Variants in MARCHF1 observed in about 807,000 individuals in gnomAD.
MARCHF1 encodes E3 ubiquitin-protein ligase MARCHF1.
In MARCHF1, 40 loss-of-function variants were observed where a neutral mutation model predicts 54.2. The observed-to-expected ratio is 0.74, with a 90% CI of 0.57 to 0.96. The LOEUF (loss-of-function observed/expected upper bound fraction) is 0.96. Among genes scored for constraint, MARCHF1 ranks in the 40% least tolerant of loss-of-function variants. The pLI, the probability that MARCHF1 is intolerant of heterozygous loss-of-function variation, is 0.00. For synonymous variants in MARCHF1, 236 were observed against 236.3 expected (o/e 1.00, Z 0.01); for missense variants, 586 against 656.5 (o/e 0.89, Z 1.17).
chr4:163,634,073 C>T (rs1419008616), intron 5 of MARCHF1, among the ~76,000 whole-genome samples: 1 of 152,098 alleles, frequency 6.6e-6, no homozygotes, highest in Non-Finnish European at 1.5e-5. Flanking sequence ...ACCAGGCCTG[C>T]CCTAAAAGAG....
At chr4:164,231,609 G>T (rs1175877068) in intron 1 of MARCHF1, among the ~76,000 whole-genome samples, 1 of 152,098 alleles carries the variant, frequency 6.6e-6, no homozygotes, top group African/African-American at 2.4e-5. Context: ...AGTTAGAAAT[G>T]AGTATAGACA....
intron 4 of MARCHF1, among the ~76,000 whole-genome samples, chr4:163,836,181 C>T (rs1288335565): frequency 4.6e-5 from 7 of 151,918 alleles, no homozygotes; most frequent in Non-Finnish European, 8.8e-5. Flanking sequence ...TTATAGTGAC[C>T]CATCTTCAGA....
chr4:164,043,269 G>T (rs1040785918), intron 2 of MARCHF1, among the ~76,000 whole-genome samples: 2 of 152,170 alleles, frequency 1.3e-5, no homozygotes, highest in Non-Finnish European at 2.9e-5. Context: ...ACTTCTGCCT[G>T]GACATCCAGG....
intron 1 of MARCHF1, among the ~76,000 whole-genome samples, chr4:164,339,155 C>T (rs369200593): frequency 3.4e-4 from 52 of 152,184 alleles, no homozygotes; most frequent in South Asian, 2.1e-3. Context: ...CTTTCAACAA[C>T]GGATAGATCA....
At chr4:164,027,200 A>G (rs981707211) in intron 2 of MARCHF1, among the ~76,000 whole-genome samples, 90 of 151,872 alleles carry the variant, frequency 5.9e-4, no homozygotes, top group African/African-American at 2.0e-3. Flanking sequence ...CAATCAAACT[A>G]CCAGCATAAT....
chr4:163,847,358 TG>T (rs910818221), intron 4 of MARCHF1, among the ~76,000 whole-genome samples: 2 of 152,148 alleles, frequency 1.3e-5, no homozygotes, highest in African/African-American at 4.8e-5. Context: ...AGAAGGTATT[TG>T]GTTCAGTAGC....
intron 3 of MARCHF1, among the ~76,000 whole-genome samples, chr4:163,962,713 T>A (rs991413589): frequency 6.6e-6 from 1 of 151,964 alleles, no homozygotes; most frequent in Non-Finnish European, 1.5e-5. Context: ...TTTACAAAAA[T>A]GTTTTCAGCA....
At chr4:164,350,894 G>A (rs964555991) in intron 1 of MARCHF1, among the ~76,000 whole-genome samples, 1 of 152,020 alleles carries the variant, frequency 6.6e-6, no homozygotes, top group African/African-American at 2.4e-5. Flanking sequence ...GGGCGCAGGC[G>A]AGTGGGTGCG....
At chr4:163,624,644 G>T (rs1741808788) in intron 5 of MARCHF1, among the ~76,000 whole-genome samples, 2 of 152,116 alleles carry the variant, frequency 1.3e-5, no homozygotes, top group African/African-American at 4.8e-5. Flanking sequence ...AATATAAATT[G>T]GTTGACTGTT....
At chr4:163,700,472 A>G (rs1744772809) in intron 5 of MARCHF1, among the ~76,000 whole-genome samples, 1 of 150,700 alleles carries the variant, frequency 6.6e-6, no homozygotes, top group African/African-American at 2.4e-5. Flanking sequence ...ACCACTGCAT[A>G]CCAGCTGGGG....
chr4:163,727,265 A>G (rs1003227178), intron 4 of MARCHF1, among the ~76,000 whole-genome samples: 2 of 150,012 alleles, frequency 1.3e-5, no homozygotes, highest in Non-Finnish European at 3.0e-5. Flanking sequence ...TTTTGAATAA[A>G]TTTTCATGAA....
chr4:163,587,087 A>T (rs189074621), intron 7 of MARCHF1, among the ~76,000 whole-genome samples: 1 of 152,362 alleles, frequency 6.6e-6, no homozygotes, highest in East Asian at 1.9e-4. Context: ...TTGTTTCTGA[A>T]CTACTATGAA....
intron 5 of MARCHF1, among the ~76,000 whole-genome samples, chr4:163,690,786 A>G (rs903534066): frequency 6.6e-6 from 1 of 152,198 alleles, no homozygotes; most frequent in Non-Finnish European, 1.5e-5. Context: ...ATGGTAACAG[A>G]TTGCTGGACT....
intron 3 of MARCHF1, among the ~76,000 whole-genome samples, chr4:163,865,292 G>T (rs1480103241): frequency 6.6e-6 from 1 of 151,788 alleles, no homozygotes; most frequent in Non-Finnish European, 1.5e-5. Context: ...GCTTTCTCCA[G>T]TGTGAAACAT....
chr4:163,901,784 CCT>C (rs1439290848), intron 3 of MARCHF1, among the ~76,000 whole-genome samples: 3 of 152,112 alleles, frequency 2.0e-5, no homozygotes, highest in African/African-American at 7.2e-5. Context: ...TATAATCTCC[CCT>C]TTTATCCTAT....
At chr4:163,830,153 G>A (rs1340513932) in intron 4 of MARCHF1, among the ~76,000 whole-genome samples, 5 of 151,732 alleles carry the variant, frequency 3.3e-5, no homozygotes, top group South Asian at 2.1e-4. Flanking sequence ...CTGCTTTAGC[G>A]TTTGAAGAAT....
At chr4:164,067,138 A>C (rs1344971589) in intron 2 of MARCHF1, among the ~76,000 whole-genome samples, 1 of 152,110 alleles carries the variant, frequency 6.6e-6, no homozygotes, top group African/African-American at 2.4e-5. Flanking sequence ...TCAAAACATT[A>C]TTTGATCATT....
At chr4:164,243,166 C>T (rs1269653611) in intron 1 of MARCHF1, among the ~76,000 whole-genome samples, 1 of 133,188 alleles carries the variant, frequency 7.5e-6, no homozygotes, top group African/African-American at 2.9e-5. Context: ...AACTCCAAGA[C>T]ACATAATTGT....
rs397796838 is a variant in MARCHF1, at chr4:163,784,140, C to CTT, written c.111+69879_111+69880dup. On this transcript the variant is annotated intron_variant, in intron 4 of 9. Coordinates refer to ENST00000514618, the MANE Select transcript of MARCHF1 (RefSeq NM_001394959.1). ...AATATGATTCTAACCAGCAGAAATT[C>CTT]TTTTTTTTTTTTTTTACTCTAGGGT... Among the ~76,000 whole-genome samples, 1,144 of 142,930 alleles carry CTT rather than the reference C, an allele frequency of 8.0e-3. 11 individuals are homozygous for CTT. Among genetic ancestry groups the CTT allele is most frequent in the South Asian group, 0.032 (146 of 4,500 alleles). 93.8% of individuals were successfully genotyped at this position (142,930 alleles called of 152,430 possible).
Sources: allele counts gnomAD v4.1 joint callset (sites outside exome capture counted in the v4.1 genomes callset), GRCh38; gene constraint gnomAD v4.1.1; transcripts MANE v1.5; gene names NCBI Gene and HGNC (gene_info 2026-07-23, HGNC 2026-07-21).